The following USH2A variants were observed in gnomAD, a reference collection of about 807,000 sequenced individuals.
USH2A encodes usherin, also known as Usher syndrome 2A (autosomal recessive, mild).
USH2A carries 443 observed loss-of-function variants against 538.9 expected under a neutral mutation model. The observed-to-expected ratio is 0.82, with a 90% CI of 0.76 to 0.89. USH2A has a LOEUF of 0.89. USH2A is among the 40% of genes least tolerant of loss of function. The pLI is 0.00. For synonymous variants in USH2A, 2,413 were observed against 2,273.5 expected (o/e 1.06, Z -1.75); for missense variants, 6,633 against 6,324.8 (o/e 1.05, Z -1.65).
chr1:216,350,935 C>T (rs75592263), intron 4 of USH2A, among the ~76,000 whole-genome samples: 8,054 of 152,262 alleles, frequency 0.053, 293 homozygotes, highest in Middle Eastern at 0.11. Context: ...CTGCAGCAGG[C>T]CACTGCCTGG....
chr1:215,771,838 G>A (rs1661300916), intron 55 of USH2A, among the ~76,000 whole-genome samples: 2 of 152,026 alleles, frequency 1.3e-5, no homozygotes, highest in South Asian at 4.1e-4. Flanking sequence ...AGGCATGATA[G>A]TAGAGACTGC....
intron 17 of USH2A, 28 bp downstream of exon 17, chr1:216,199,599 A>C: frequency 3.1e-6 from 5 of 1,613,504 alleles, no homozygotes; most frequent in Non-Finnish European, 4.2e-6. Context: ...CTTGACCAAA[A>C]AGGGGAATCT....
At chr1:216,406,946 A>G (rs945891076) in intron 3 of USH2A, among the ~76,000 whole-genome samples, 6 of 152,122 alleles carry the variant, frequency 3.9e-5, no homozygotes, top group Non-Finnish European at 8.8e-5. Flanking sequence ...TTTCTTGGTC[A>G]CCTCTACCAC....
intron 35 of USH2A, among the ~76,000 whole-genome samples, chr1:215,982,119 A>T (rs1667766028): frequency 6.6e-6 from 1 of 152,244 alleles, no homozygotes. Context: ...ATCTTCCTCC[A>T]ACCACTTCAG....
chr1:215,682,739 T>C (rs1333706257), intron 61 of USH2A, among the ~76,000 whole-genome samples: 1 of 124,722 alleles, frequency 8.0e-6, no homozygotes, highest in Non-Finnish European at 1.7e-5. Context: ...TTGCTTAACC[T>C]GGTCTACATG....
chr1:215,871,080 C>T (rs548948403), intron 43 of USH2A, among the ~76,000 whole-genome samples: 57 of 152,192 alleles, frequency 3.7e-4, no homozygotes, highest in African/African-American at 1.3e-3. Flanking sequence ...GCCAGTAAAA[C>T]CAATTGTTTT....
At chr1:216,153,075 A>G (rs2033871691) in intron 21 of USH2A, among the ~76,000 whole-genome samples, 1 of 152,126 alleles carries the variant, frequency 6.6e-6, no homozygotes, top group Admixed American at 6.5e-5. Context: ...TTCCCACTCC[A>G]TCCCCTTTCC....
At chr1:216,141,777 G>T (rs2033608443) in intron 21 of USH2A, among the ~76,000 whole-genome samples, 3 of 151,866 alleles carry the variant, frequency 2.0e-5, no homozygotes, top group Admixed American at 1.3e-4. Context: ...ATTATATATG[G>T]CATTTATCAC....
At chr1:216,038,550 G>A (rs750473703) in intron 32 of USH2A, among the ~76,000 whole-genome samples, 28 of 151,878 alleles carry the variant, frequency 1.8e-4, no homozygotes, top group Non-Finnish European at 3.7e-4. Flanking sequence ...TCAGTTTATG[G>A]TGTCAACACT....
intron 43 of USH2A, among the ~76,000 whole-genome samples, chr1:215,875,929 T>C (rs1664755373): frequency 6.9e-6 from 1 of 145,468 alleles, no homozygotes. Flanking sequence ...ATATATTGAT[T>C]ATTATATATA....
chr1:215,864,099 T>C (rs1558133416), intron 44 of USH2A, among the ~76,000 whole-genome samples: 2 of 152,178 alleles, frequency 1.3e-5, no homozygotes, highest in African/African-American at 4.8e-5. Context: ...CTCCCTTTGG[T>C]AGGCATTTTC....
Position 215,937,453 on chromosome 1 carries a change from C to T in USH2A, c.7121-2658G>A, listed in dbSNP as rs935336193. Among the ~76,000 whole-genome samples the T allele has an allele frequency of 2.6e-5, 4 of 152,072 alleles. No homozygotes were observed. The East Asian group carries it at 7.7e-4, about 29-fold the overall frequency. ...GCTCCAACTGCATGCAAGGAGAAGG[C>T]TTTTCTAGGCACTGACGAGAACATG... is the stretch of plus-strand genomic sequence containing the variant. On this transcript the variant is annotated intron_variant, in intron 37 of 71. Transcript: ENST00000307340.
chr1:215,884,820 T>TGTA (rs1665005655), intron 41 of USH2A, among the ~76,000 whole-genome samples: 1 of 152,152 alleles, frequency 6.6e-6, no homozygotes, highest in African/African-American at 2.4e-5. Flanking sequence ...TACACATGTT[T>TGTA]GTGGTCTGGG....
intron 21 of USH2A, among the ~76,000 whole-genome samples, chr1:216,166,833 A>G (rs1422129177): frequency 6.6e-6 from 1 of 152,150 alleles, no homozygotes; most frequent in Non-Finnish European, 1.5e-5. Context: ...AGGGAGGATC[A>G]GTCAATCATT....
At chr1:216,415,174 T>A (rs561778130) in intron 3 of USH2A, among the ~76,000 whole-genome samples, 31 of 152,192 alleles carry the variant, frequency 2.0e-4, no homozygotes, top group Non-Finnish European at 3.8e-4. Flanking sequence ...CTCAACAGCT[T>A]GCCATACTTT....
At chr1:216,368,208 AT>A (rs67218133) in intron 3 of USH2A, among the ~76,000 whole-genome samples, 109,022 of 149,406 alleles carry the variant, frequency 0.73, 39,637 homozygotes, top group East Asian at 0.86. Flanking sequence ...AGTACACTAG[AT>A]TTTTTTTTTT....
chr1:216,175,123 C>T (rs983631673), intron 21 of USH2A, 129 bp downstream of exon 21: 2 of 1,516,346 alleles, frequency 1.3e-6, no homozygotes, highest in Non-Finnish European at 1.8e-6. Flanking sequence ...CAGGCAAAAG[C>T]TATCAAAGGG....
chr1:215,875,914 A>T (rs1487033846), intron 43 of USH2A, among the ~76,000 whole-genome samples: 1 of 145,148 alleles, frequency 6.9e-6, no homozygotes, highest in Non-Finnish European at 1.5e-5. Context: ...ATATAAATAT[A>T]TAATATATAT....
chr1:216,293,823 C>T (rs1309407141), intron 9 of USH2A, among the ~76,000 whole-genome samples: 2 of 152,092 alleles, frequency 1.3e-5, no homozygotes, highest in Admixed American at 6.6e-5. Context: ...TAAACGTGAT[C>T]GGTCACTGAT....
Sources: gnomAD v4.1 joint callset for allele counts (sites outside exome capture counted in the v4.1 genomes callset) on GRCh38, gnomAD v4.1.1 for gene constraint, MANE v1.5 for transcripts, NCBI Gene and HGNC (gene_info 2026-07-23, HGNC 2026-07-21) for gene names.